Variants in PDGFA observed in about 807,000 individuals in gnomAD.
PDGFA encodes platelet derived growth factor subunit A, also known as platelet-derived growth factor subunit A.
Under a neutral mutation model 25.6 loss-of-function variants are expected in PDGFA, and 9 were observed. That is an observed-to-expected ratio of 0.35 (90% CI 0.21 to 0.61). The LOEUF (loss-of-function observed/expected upper bound fraction) is 0.61. Ranked by LOEUF, PDGFA falls within the 20% of genes least tolerant of loss-of-function variation. The probability of loss-of-function intolerance (pLI) is 0.75; values close to 1 mark genes in which losing one functional copy is unlikely to be tolerated. For synonymous variants in PDGFA, 133 were observed against 111.8 expected, an observed-to-expected ratio of 1.19 and a Z score of -1.20; for missense variants, 242 against 272.8, an observed-to-expected ratio of 0.89 and a Z score of 0.79.
At chr7:519,178 G>C in exon 1 of PDGFA, 1 of 461,548 alleles carries the variant, frequency 2.2e-6, no homozygotes, top group Non-Finnish European at 3.8e-6. Context: ...TGAGTGCGGA[G>C]AGGCAGGCAG....
At position 500,777 on chromosome 7, in the gene PDGFA, C is replaced by T; in HGVS notation, c.580+339G>A. ...TCCTCGAACCTGCTCCTCCCGCCCA[C>T]CCTGGCAGGAGGCCCTTCTGCAGAT... On this transcript the variant is annotated intron_variant, in intron 5 of 5. Transcript: ENST00000402802. The surrounding 1 kb of genome is among the most constrained non-coding windows in gnomAD (Gnocchi z 5.0). 1.4e-6 allele frequency: 2 copies of T among 1,442,554 alleles called. No homozygotes were observed. The highest frequency in any genetic ancestry group is 1.8e-6 in the Non-Finnish European group (2 of 1,099,636). The allele number at this position is 1,442,554 out of a possible 1,614,324, so 89.4% of individuals were successfully genotyped here.
intron 4 of PDGFA, among the ~76,000 whole-genome samples, chr7:501,714 C>T (rs572812595): frequency 3.6e-4 from 55 of 152,258 alleles, no homozygotes; most frequent in Non-Finnish European, 6.8e-4. Context: ...AGAGCCGCCG[C>T]GCCTGGTGTT....
intron 4 of PDGFA, among the ~76,000 whole-genome samples, chr7:503,211 C>G (rs1448542363): frequency 6.6e-6 from 1 of 152,202 alleles, no homozygotes; most frequent in Non-Finnish European, 1.5e-5. Flanking sequence ...GGAGCACACA[C>G]CAGGGAATAG....
At chr7:520,092 C>A (rs1387348022), upstream of PDGFA, 1 of 396,166 alleles carries the variant, frequency 2.5e-6, no homozygotes, top group Admixed American at 2.9e-5. Flanking sequence ...CGGGGCTCCG[C>A]GCCCCTCCCT....
intron 5 of PDGFA, 127 bp from the exon 6 acceptor site, chr7:498,701 CAAGTTTTCAAG>C (rs1294889760): frequency 3.4e-6 from 3 of 872,412 alleles, no homozygotes; most frequent in Non-Finnish European, 5.6e-6. Flanking sequence ...ACAGGGATTT[CAAGTTTTCAAG>C]AAATTTCCAG....
intron 4 of PDGFA, among the ~76,000 whole-genome samples, chr7:504,647 G>A (rs543367807): frequency 6.6e-6 from 1 of 152,376 alleles, no homozygotes; most frequent in Admixed American, 6.5e-5. Flanking sequence ...GAGGCATGGG[G>A]CAGGTGGGCT....
chr7:517,362 C>A lies in PDGFA; in HGVS notation c.160+32G>T, dbSNP rs1305135512. On this transcript the variant is annotated intron_variant, in intron 2 of 5. Transcript: ENST00000402802. The surrounding 1 kb of genome is among the most constrained non-coding windows in gnomAD (Gnocchi z 7.4). ...CGCACAGGCCGCCCGCCCGCGCCCT[C>A]CCCGCGCGCGGAGGGAAGGGGCGCG... 1.8e-5 allele frequency: 21 copies of A among 1,162,772 alleles called. No homozygotes were observed. Among genetic ancestry groups the A allele is most frequent in the Non-Finnish European group, 2.2e-5 (19 of 876,762 alleles). 72.0% of individuals were successfully genotyped at this position (1,162,772 alleles called of 1,614,324 possible). A position where few individuals can be genotyped will look rare whatever the true frequency, so the allele number is the denominator to read the frequency against.
chr7:518,554 A>G (rs1236983350), intron 1 of PDGFA: 2 of 185,864 alleles, frequency 1.1e-5, no homozygotes, highest in Non-Finnish European at 2.2e-5. Context: ...GCCCCTACCT[A>G]TTTATCCGCC....
At position 500,889 on chromosome 7, in the gene PDGFA, C is replaced by T. The variant is rs1463561872; in HGVS notation, c.580+227G>A. The T allele has an allele frequency of 6.3e-7, 1 of 1,575,978 alleles. No individual in the cohort carries two copies. Among genetic ancestry groups the T allele is most frequent in the East Asian group, 2.3e-5 (1 of 43,632 alleles). Reference sequence around the variant, plus strand: ...TCTCAGTGAGACCTGAATCTCCTCTCCTGCCAGTGCCGCAGCTTGGGCCAC... The same window carrying T: ...TCTCAGTGAGACCTGAATCTCCTCTTCTGCCAGTGCCGCAGCTTGGGCCAC... On this transcript the variant is annotated intron_variant, in intron 5 of 5. Coordinates refer to ENST00000402802, the Ensembl canonical transcript of PDGFA. This position sits in a 1 kb window ranked among gnomAD's most constrained non-coding sequence, Gnocchi z 5.0.
At chr7:512,381 G>A (rs769755514) in exon 3 of PDGFA, 3 of 1,613,478 alleles carry the variant, frequency 1.9e-6, no homozygotes, top group African/African-American at 1.3e-5. Flanking sequence ...ATGGGCAGGG[G>A]CCGCTTCTCG....
intron 2 of PDGFA, chr7:512,901 C>T (rs979599346): frequency 2.4e-5 from 6 of 252,542 alleles, no homozygotes; most frequent in South Asian, 1.0e-4. Context: ...GGGGCTGGAG[C>T]GAGGGAGAAG....
chr7:518,800 A>G, intron 1 of PDGFA, 139 bp downstream of exon 1: 1 of 538,498 alleles, frequency 1.9e-6, no homozygotes, highest in Non-Finnish European at 3.2e-6. Flanking sequence ...CAGAAAATAG[A>G]ACCCAGTTGG....
chr7:502,768 TCACACA>T lies in PDGFA; in HGVS notation c.454-1532_454-1527del, dbSNP rs71016866. On this transcript the variant is annotated intron_variant, in intron 4 of 5. Coordinates refer to ENST00000402802, the Ensembl canonical transcript of PDGFA. ...GGCATTCAACAAGAGAGGCAAGAAATCACACACACACACACACACACACACACACAC... is the reference window on the plus strand; with the variant it reads ...GGCATTCAACAAGAGAGGCAAGAAATCACACACACACACACACACACACAC... Among the ~76,000 whole-genome samples the T allele has an allele frequency of 7.4e-3, 939 of 126,106 alleles. 10 individuals are homozygous for T. The highest frequency in any genetic ancestry group is 0.024 in the African/African-American group (823 of 33,714). 82.7% of individuals were successfully genotyped at this position (126,106 alleles called of 152,430 possible).
At chr7:519,908 GCCCCCGCCCCC>G (rs1386168018), upstream of PDGFA, 5 of 49,548 alleles carry the variant, frequency 1.0e-4, no homozygotes, top group African/African-American at 4.8e-4. Context: ...CCCCGCCCCC[GCCCCCGCCCCC>G]CCCCCCCGCC....
chr7:514,130 G>A (rs1379971587), intron 2 of PDGFA, among the ~76,000 whole-genome samples: 2 of 152,206 alleles, frequency 1.3e-5, no homozygotes, highest in Admixed American at 6.5e-5. Flanking sequence ...TGATAGCCAC[G>A]TTTGCATTAG....
At chr7:512,193 G>C (rs552257500) in intron 3 of PDGFA, among the ~76,000 whole-genome samples, 158 bp downstream of exon 3, 1 of 152,318 alleles carries the variant, frequency 6.6e-6, no homozygotes, top group East Asian at 1.9e-4. Flanking sequence ...ACCAGGGCCA[G>C]GCCTATTTTA....
intron 4 of PDGFA, among the ~76,000 whole-genome samples, chr7:505,701 A>G (rs1782529452): frequency 6.6e-6 from 1 of 152,208 alleles, no homozygotes; most frequent in African/African-American, 2.4e-5. Flanking sequence ...AGACAAGGGA[A>G]GCCCCTTGCC....
rs1782289696 is a variant in PDGFA, at chr7:500,688, G to A, written c.580+428C>T. The A allele has an allele frequency of 1.4e-6, 2 of 1,447,708 alleles. No individual in the cohort carries two copies. The highest frequency in any genetic ancestry group is 1.8e-6 in the Non-Finnish European group (2 of 1,106,706). 89.7% of individuals were successfully genotyped at this position (1,447,708 alleles called of 1,614,324 possible). ...CATAGCAGGGCACAGAAGCCATTCT[G>A]CTCCTGGGTGGAGTCCGCGTGGCGG... On this transcript the variant is annotated intron_variant, in intron 5 of 5. Coordinates refer to ENST00000402802, the Ensembl canonical transcript of PDGFA. The surrounding 1 kb of genome is among the most constrained non-coding windows in gnomAD (Gnocchi z 5.0).
rs753077668 is a variant in PDGFA, at chr7:500,530, G to A, written c.580+586C>T. On this transcript the variant is annotated intron_variant, in intron 5 of 5. Coordinates refer to ENST00000402802, the Ensembl canonical transcript of PDGFA. This position sits in a 1 kb window ranked among gnomAD's most constrained non-coding sequence, Gnocchi z 5.0. Reference sequence around the variant, plus strand: ...AACAAAAGGGCAGGGCGGTGAGTGGGCCGAGGGACGGCCGTCGGGGTGAAG... The same window carrying A: ...AACAAAAGGGCAGGGCGGTGAGTGGACCGAGGGACGGCCGTCGGGGTGAAG... The A allele has an allele frequency of 7.2e-5, 116 of 1,613,546 alleles. No individual in the cohort carries two copies. The highest frequency in any genetic ancestry group is 8.3e-5 in the Admixed American group (5 of 59,996).
Sources: gnomAD v4.1 joint callset for allele counts (sites outside exome capture counted in the v4.1 genomes callset) on GRCh38, gnomAD v4.1.1 for gene constraint, Gnocchi (gnomAD v3.1) non-coding constraint, MANE v1.5 for transcripts, NCBI Gene and HGNC (gene_info 2026-07-23, HGNC 2026-07-21) for gene names.